AP1G1: variants seen among roughly 807,000 people sequenced by gnomAD.
The protein encoded by AP1G1 is AP-1 complex subunit gamma-1.
A neutral mutation model predicts 108.3 loss-of-function variants in AP1G1; 7 were observed. The ratio of observed to expected loss-of-function variants is 0.06; its 90% CI spans 0.04 to 0.12. The LOEUF is 0.12. AP1G1 is among the 10% of genes least tolerant of loss of function. The pLI is 1.00. For synonymous variants in AP1G1, 379 were observed against 353.5 expected, an observed-to-expected ratio of 1.07 and a Z score of -0.81; for missense variants, 756 against 1,010.7, an observed-to-expected ratio of 0.75 and a Z score of 3.42.
intron 5 of AP1G1, 51 bp from the exon 6 acceptor site, chr16:71,769,750 T>G: frequency 6.8e-7 from 1 of 1,478,658 alleles, no homozygotes; most frequent in Non-Finnish European, 9.4e-7. Flanking sequence ...TTATTCAATT[T>G]TATAGAACAG....
chr16:71,773,371 G>C lies in AP1G1; in HGVS notation c.327-9C>G, dbSNP rs749062960. ...TGCTATGATTAAGATCACTGCAAAA[G>C]AAAAGAGGAAGGTAGGAACAAGCCT... is the stretch of plus-strand genomic sequence containing the variant. On this transcript the variant is annotated splice_polypyrimidine_tract_variant and intron_variant, in intron 3 of 22. Transcript: ENST00000299980. 2 of 1,490,130 alleles carry C rather than the reference G, an allele frequency of 1.3e-6. No individual in the cohort carries two copies. Among genetic ancestry groups the C allele is most frequent in the African/African-American group, 1.4e-5 (1 of 69,710 alleles). 92.3% of individuals were successfully genotyped at this position (1,490,130 alleles called of 1,614,324 possible). A position where few individuals can be genotyped will look rare whatever the true frequency, so the allele number is the denominator to read the frequency against.
chr16:71,734,992 G>C (rs2045515605), intron 21 of AP1G1, among the ~76,000 whole-genome samples: 1 of 152,144 alleles, frequency 6.6e-6, no homozygotes, highest in South Asian at 2.1e-4. Flanking sequence ...CTTTTCAAAA[G>C]CTGACCAATT....
In AP1G1 at chr16:71,731,313, C is replaced by G. The variant is rs1351104357; in HGVS notation, c.*1745G>C. ...TAAGACCAGAAACTTTCCCGTGGAG[C>G]CTTTAGTTCAACTCCAGTTTGTCAA... On this transcript the variant is annotated 3_prime_UTR_variant, in exon 23 of 23. Coordinates refer to ENST00000299980, the MANE Select transcript of AP1G1 (RefSeq NM_001128.6). 1 of 152,576 alleles carries G rather than the reference C, an allele frequency of 6.6e-6. No homozygotes were observed. The highest frequency in any genetic ancestry group is 1.5e-5 in the Non-Finnish European group (1 of 68,034). The allele number at this position is 152,576 out of a possible 1,614,324, so 9.5% of individuals were successfully genotyped here.
chr16:71,759,365 G>T (rs2030964898), intron 10 of AP1G1, among the ~76,000 whole-genome samples: 1 of 152,186 alleles, frequency 6.6e-6, no homozygotes, highest in South Asian at 2.1e-4. Flanking sequence ...AGGGGCTGAG[G>T]CATGAGAATT....
At position 71,730,513 on chromosome 16, in the gene AP1G1, G is replaced by C. The variant is rs184036267; in HGVS notation, c.*2545C>G. ...TGCTCCCCCTTGAGTGGTTATACTC[G>C]GGAAAGGAATTATTGAAATGTGCAA... On this transcript the variant is annotated 3_prime_UTR_variant, in exon 23 of 23. Coordinates refer to ENST00000299980, the MANE Select transcript of AP1G1 (RefSeq NM_001128.6). 2 of 152,596 alleles carry C rather than the reference G, an allele frequency of 1.3e-5. No individual in the cohort carries two copies. The highest frequency in any genetic ancestry group is 3.9e-4 in the East Asian group (2 of 5,176). 9.5% of individuals were successfully genotyped at this position (152,596 alleles called of 1,614,324 possible).
At chr16:71,764,492 T>C (rs1314853610) in intron 8 of AP1G1, 44 bp from the exon 9 acceptor site, 3 of 1,398,350 alleles carry the variant, frequency 2.1e-6, no homozygotes, top group Non-Finnish European at 3.0e-6. Flanking sequence ...ATAAAAACAA[T>C]GCTCCCAAAA....
At chr16:71,782,320 T>C (rs1426348772) in intron 2 of AP1G1, among the ~76,000 whole-genome samples, 1 of 151,490 alleles carries the variant, frequency 6.6e-6, no homozygotes, top group Non-Finnish European at 1.5e-5. Flanking sequence ...TCTGCCACCA[T>C]GCCCGGCTAA....
At chr16:71,795,282 A>G (rs1164145084) in intron 1 of AP1G1, among the ~76,000 whole-genome samples, 1 of 152,202 alleles carries the variant, frequency 6.6e-6, no homozygotes, top group Non-Finnish European at 1.5e-5. Flanking sequence ...CTCTAAATCT[A>G]AAAACAAAAT....
intron 15 of AP1G1, among the ~76,000 whole-genome samples, chr16:71,748,918 T>C (rs977777158): frequency 6.6e-6 from 1 of 152,026 alleles, no homozygotes; most frequent in Non-Finnish European, 1.5e-5. Flanking sequence ...TTTGTTTTTT[T>C]TGTTTTGAGA....
At chr16:71,793,987 G>T (rs1167413027) in intron 1 of AP1G1, among the ~76,000 whole-genome samples, 1 of 152,090 alleles carries the variant, frequency 6.6e-6, no homozygotes, top group Non-Finnish European at 1.5e-5. Flanking sequence ...CAAAGCCCTG[G>T]GATTACAGGC....
chr16:71,749,604 A>C (rs943973168), intron 15 of AP1G1, among the ~76,000 whole-genome samples: 2 of 151,908 alleles, frequency 1.3e-5, no homozygotes, highest in African/African-American at 2.4e-5. Context: ...AATTTTTTTG[A>C]GACAGGGTCT....
intron 11 of AP1G1, 194 bp downstream of exon 11, chr16:71,758,614 T>C (rs2030926436): frequency 1.6e-6 from 1 of 609,102 alleles, no homozygotes; most frequent in Non-Finnish European, 3.0e-6. Flanking sequence ...CAACCTAAAC[T>C]TCTCCCTGCC....
At chr16:71,799,449 CTGTTTAAAGGA>C (rs1386057000) in intron 1 of AP1G1, among the ~76,000 whole-genome samples, 6 of 152,282 alleles carry the variant, frequency 3.9e-5, no homozygotes, top group Admixed American at 3.9e-4. Flanking sequence ...CACAATAGGA[CTGTTTAAAGGA>C]ACAAGATAGA....
intron 2 of AP1G1, among the ~76,000 whole-genome samples, chr16:71,785,560 A>T (rs1431161585): frequency 4.5e-5 from 6 of 133,414 alleles, no homozygotes; most frequent in Non-Finnish European, 7.8e-5. Context: ...GAGTGACAAG[A>T]GCGAAACCCT....
At position 71,771,302 on chromosome 16, in the gene AP1G1, G is replaced by A. The variant is rs530249285; in HGVS notation, c.469-50C>T. ...AAAAGGTTTATTTCAATTATGCCAGGGCAACCAATCTTATTAAAAAACCAC... is the reference window on the plus strand; with the variant it reads ...AAAAGGTTTATTTCAATTATGCCAGAGCAACCAATCTTATTAAAAAACCAC... On this transcript the variant is annotated intron_variant, in intron 4 of 22. Transcript: ENST00000299980. The A allele has an allele frequency of 2.5e-5, 27 of 1,098,338 alleles. 1 individual carries two copies. In the South Asian group the frequency reaches 3.1e-4, roughly 13 times the overall value. The allele number at this position is 1,098,338 out of a possible 1,614,324, so 68.0% of individuals were successfully genotyped here. A position where few individuals can be genotyped will look rare whatever the true frequency, so the allele number is the denominator to read the frequency against.
At chr16:71,785,094 G>A (rs1449359774) in intron 2 of AP1G1, among the ~76,000 whole-genome samples, 5 of 151,282 alleles carry the variant, frequency 3.3e-5, no homozygotes, top group Admixed American at 2.6e-4. Context: ...ACTTGCTTTT[G>A]CACTAAAGCT....
chr16:71,807,887 GTAAGCACCAAAAAGCTAAGTAT>G, intron 1 of AP1G1: 1 of 1,284,782 alleles, frequency 7.8e-7, no homozygotes. Flanking sequence ...ACAAGTGTCA[GTAAGCACCAAAAAGCTAAGTAT>G]TCAGCACAGG....
At chr16:71,768,023 G>T in intron 6 of AP1G1, 2 of 885,984 alleles carry the variant, frequency 2.3e-6, no homozygotes, top group South Asian at 1.5e-5. Flanking sequence ...AGCCAAAAAA[G>T]AACTCCTGTT....
chr16:71,745,038 C>A, intron 19 of AP1G1, 106 bp downstream of exon 19: 1 of 1,260,958 alleles, frequency 7.9e-7, no homozygotes. Flanking sequence ...GATTTAGCCT[C>A]TCCCATCTTC....
Sources: gnomAD v4.1 joint callset for allele counts (sites outside exome capture counted in the v4.1 genomes callset) on GRCh38, gnomAD v4.1.1 for gene constraint, MANE v1.5 for transcripts, NCBI Gene and HGNC (gene_info 2026-07-23, HGNC 2026-07-21) for gene names.